RARB: variants seen among roughly 807,000 people sequenced by gnomAD.
RARB encodes the protein retinoic acid receptor beta.
RARB carries 17 observed loss-of-function variants against 51.9 expected under a neutral mutation model. The ratio of observed to expected loss-of-function variants is 0.33; its 90% CI spans 0.22 to 0.49. The LOEUF is 0.49. RARB is among the 20% of genes least tolerant of loss of function. RARB has a pLI of 0.99. For missense variants in RARB, 369 were observed against 550.8 expected (o/e 0.67, Z 3.30); for synonymous variants, 215 against 195.4 (o/e 1.10, Z -0.84).
chr3:24,911,382 T>C (rs1043181609), intron 2 of RARB, among the ~76,000 whole-genome samples: 1 of 152,216 alleles, frequency 6.6e-6, no homozygotes, highest in Non-Finnish European at 1.5e-5. Flanking sequence ...GTACAAACTT[T>C]TAATAACTTT....
intron 5 of RARB, among the ~76,000 whole-genome samples, chr3:25,188,647 T>C (rs1410306919): frequency 6.6e-6 from 1 of 152,146 alleles, no homozygotes; most frequent in Non-Finnish European, 1.5e-5. Context: ...CATTCTGTAT[T>C]TTATTAGGCT....
intron 4 of RARB, among the ~76,000 whole-genome samples, chr3:25,163,504 A>AAAAAAAAAAAAAAAAATATATAT (rs1303712411): frequency 1.5e-5 from 2 of 131,088 alleles, no homozygotes; most frequent in Admixed American, 7.3e-5. Context: ...CCTATCTCAA[A>AAAAAAAAAAAAAAAAATATATAT]ATATATATAT....
chr3:25,136,869 A>G (rs1559479614), intron 4 of RARB, among the ~76,000 whole-genome samples: 1 of 152,024 alleles, frequency 6.6e-6, no homozygotes. Context: ...ATCATTCACT[A>G]GGGAAGTAGA....
At position 25,304,024 on chromosome 3, in the gene RARB, T is replaced by A. The variant is rs563165058; in HGVS notation, c.178+129449T>A. On this transcript the variant is annotated intron_variant, in intron 5 of 11. Coordinates refer to the RARB transcript ENST00000383772. ...CAGAAAAAATGGAAAACATGGTAGA[T>A]CCTCCTAGACCCATCTTGACTTCAG... 6.6e-5 allele frequency among the ~76,000 whole-genome samples: 10 copies of A among 152,238 alleles called. No homozygotes were observed. In the South Asian group the frequency reaches 2.1e-3, roughly 32 times the overall value.
chr3:25,125,448 G>A (rs534153082), intron 3 of RARB, among the ~76,000 whole-genome samples: 11 of 152,274 alleles, frequency 7.2e-5, no homozygotes, highest in South Asian at 2.1e-4. Flanking sequence ...AAATTGCAGC[G>A]TGTCTTAAGT....
At chr3:25,275,409 C>T (rs908272638) in intron 5 of RARB, among the ~76,000 whole-genome samples, 20 of 152,168 alleles carry the variant, frequency 1.3e-4, no homozygotes, top group South Asian at 4.2e-4. Flanking sequence ...TGCAGTGAGC[C>T]GTGATTGGGC....
intron 2 of RARB, among the ~76,000 whole-genome samples, chr3:25,009,697 T>C (rs2125279164): frequency 6.6e-6 from 1 of 152,176 alleles, no homozygotes; most frequent in South Asian, 2.1e-4. Flanking sequence ...ACAGCTGACC[T>C]TTGCTCACCA....
chr3:25,106,210 G>A (rs186252986), intron 3 of RARB, among the ~76,000 whole-genome samples: 44 of 152,294 alleles, frequency 2.9e-4, no homozygotes, highest in Admixed American at 1.4e-3. Context: ...CTGAGTTTGC[G>A]ACAGAACTTA....
At chr3:25,590,667 G>A (rs966054657) in intron 5 of RARB, among the ~76,000 whole-genome samples, 2 of 152,112 alleles carry the variant, frequency 1.3e-5, no homozygotes, top group African/African-American at 2.4e-5. Context: ...CTACAGGTGC[G>A]CTTCACCAGG....
At chr3:25,310,715 C>T (rs1704268009) in intron 5 of RARB, among the ~76,000 whole-genome samples, 1 of 152,158 alleles carries the variant, frequency 6.6e-6, no homozygotes. Context: ...TTCTTTACCC[C>T]TCTCTGTTCA....
chr3:25,074,833 A>T (rs1219521132), intron 3 of RARB, among the ~76,000 whole-genome samples: 1 of 152,148 alleles, frequency 6.6e-6, no homozygotes, highest in African/African-American at 2.4e-5. Context: ...TCTGAGCTAT[A>T]GGGTCACTGG....
At chr3:25,311,280 G>A (rs997790075) in intron 5 of RARB, among the ~76,000 whole-genome samples, 3 of 152,210 alleles carry the variant, frequency 2.0e-5, no homozygotes, top group African/African-American at 7.2e-5. Flanking sequence ...CAGCTGGCAA[G>A]TACAAAGAAT....
intron 5 of RARB, among the ~76,000 whole-genome samples, chr3:25,241,396 T>C (rs73149271): frequency 6.6e-6 from 1 of 152,156 alleles, no homozygotes; most frequent in African/African-American, 2.4e-5. Flanking sequence ...CATGGAACCA[T>C]GTTGGTTTGC....
chr3:25,192,681 T>G (rs73054328), intron 5 of RARB, among the ~76,000 whole-genome samples: 2 of 152,040 alleles, frequency 1.3e-5, no homozygotes, highest in African/African-American at 4.8e-5. Context: ...GGCACAAGGA[T>G]GTTTTGGCAT....
intron 5 of RARB, among the ~76,000 whole-genome samples, chr3:25,377,099 A>G (rs115250126): frequency 2.0e-5 from 3 of 152,154 alleles, no homozygotes; most frequent in African/African-American, 7.2e-5. Flanking sequence ...TGCTTTTTCT[A>G]TCACTGGCTT....
intron 5 of RARB, among the ~76,000 whole-genome samples, chr3:25,328,722 G>A (rs994073965): frequency 6.6e-6 from 1 of 152,144 alleles, no homozygotes. Context: ...AAGCAGGGCG[G>A]GGCATCACTG....
chr3:25,252,559 A>C (rs112652665), intron 5 of RARB, among the ~76,000 whole-genome samples: 3 of 152,120 alleles, frequency 2.0e-5, no homozygotes, highest in African/African-American at 4.8e-5. Context: ...CAAGCCTTGC[A>C]CTTCTTTTGC....
intron 2 of RARB, among the ~76,000 whole-genome samples, chr3:24,882,240 C>A (rs530149718): frequency 6.6e-6 from 1 of 152,210 alleles, no homozygotes; most frequent in African/African-American, 2.4e-5. Flanking sequence ...TTAAACATAA[C>A]TGATTACAGT....
At chr3:25,135,726 G>A (rs1488534003) in intron 4 of RARB, among the ~76,000 whole-genome samples, 1 of 151,892 alleles carries the variant, frequency 6.6e-6, no homozygotes, top group Non-Finnish European at 1.5e-5. Context: ...ATATTTTTTA[G>A]ACAGGCAGTG....
Sources: gnomAD v4.1 joint callset for allele counts (sites outside exome capture counted in the v4.1 genomes callset) on GRCh38, gnomAD v4.1.1 for gene constraint, MANE v1.5 for transcripts, NCBI Gene and HGNC (gene_info 2026-07-23, HGNC 2026-07-21) for gene names.